OSBPL1A: variants seen among roughly 807,000 people sequenced by gnomAD.
OSBPL1A encodes oxysterol binding protein like 1A, also known as oxysterol-binding protein-related protein 1.
OSBPL1A carries 80 observed loss-of-function variants against 137.1 expected under a neutral mutation model. The ratio of observed to expected loss-of-function variants is 0.58; its 90% CI spans 0.49 to 0.70. The LOEUF (loss-of-function observed/expected upper bound fraction) is 0.70. Ranked by LOEUF, OSBPL1A falls within the 30% of genes least tolerant of loss-of-function variation. The pLI, the probability that OSBPL1A is intolerant of heterozygous loss-of-function variation, is 0.00. For missense variants in OSBPL1A, 970 were observed against 1,129.4 expected, an observed-to-expected ratio of 0.86 and a Z score of 2.02; for synonymous variants, 365 against 389.7, an observed-to-expected ratio of 0.94 and a Z score of 0.75.
intron 2 of OSBPL1A, among the ~76,000 whole-genome samples, chr18:24,368,964 G>A (rs1305224686): frequency 1.3e-5 from 2 of 152,220 alleles, no homozygotes; most frequent in East Asian, 3.9e-4. Context: ...TCTCGTGACA[G>A]TGAGTGAGTT....
intron 15 of OSBPL1A, among the ~76,000 whole-genome samples, chr18:24,258,285 T>TA (rs955182354): frequency 2.2e-4 from 33 of 151,694 alleles, no homozygotes; most frequent in African/African-American, 7.8e-4. Context: ...CATTCAGCCA[T>TA]AAAAAAAAGA....
At chr18:24,325,676 T>C (rs2090961762) in intron 7 of OSBPL1A, among the ~76,000 whole-genome samples, 1 of 152,186 alleles carries the variant, frequency 6.6e-6, no homozygotes, top group Non-Finnish European at 1.5e-5. Context: ...CACCAGAATA[T>C]GAGCTCAAGA....
At chr18:24,316,410 T>A (rs571816050) in intron 11 of OSBPL1A, among the ~76,000 whole-genome samples, 1 of 151,910 alleles carries the variant, frequency 6.6e-6, no homozygotes, top group African/African-American at 2.4e-5. Context: ...ACATACGCTA[T>A]CTCCAAGAGA....
chr18:24,224,949 G>C, intron 17 of OSBPL1A, 93 bp downstream of exon 17: 1 of 1,516,526 alleles, frequency 6.6e-7, no homozygotes, highest in South Asian at 1.2e-5. Context: ...CCCTACACGG[G>C]GAAAAATGAA....
chr18:24,301,447 T>C (rs1202178759), intron 14 of OSBPL1A: 3 of 152,360 alleles, frequency 2.0e-5, no homozygotes, highest in East Asian at 3.9e-4. Flanking sequence ...CACTGGACTT[T>C]TTCTACATCT....
chr18:24,336,930 T>A (rs371410981), intron 5 of OSBPL1A, among the ~76,000 whole-genome samples: 6 of 152,338 alleles, frequency 3.9e-5, no homozygotes, highest in African/African-American at 1.4e-4. Context: ...GGGTATTTAC[T>A]TTGTCTCAGT....
chr18:24,335,623 G>A (rs1038881320), intron 5 of OSBPL1A, among the ~76,000 whole-genome samples: 1 of 152,228 alleles, frequency 6.6e-6, no homozygotes, highest in African/African-American at 2.4e-5. Context: ...AATGTCCTGT[G>A]CAGAGGCTGC....
intron 18 of OSBPL1A, among the ~76,000 whole-genome samples, chr18:24,190,040 T>C (rs915153409): frequency 6.6e-6 from 1 of 152,204 alleles, no homozygotes; most frequent in Non-Finnish European, 1.5e-5. Context: ...CTAATGAACA[T>C]AATGATATTC....
intron 15 of OSBPL1A, among the ~76,000 whole-genome samples, chr18:24,255,790 T>C (rs1186915066): frequency 3.4e-5 from 5 of 149,062 alleles, no homozygotes; most frequent in Non-Finnish European, 5.9e-5. Flanking sequence ...GGAGTCTCGC[T>C]CTCTCGCCCA....
At chr18:24,265,916 C>T (rs2064179686) in intron 15 of OSBPL1A, among the ~76,000 whole-genome samples, 1 of 152,198 alleles carries the variant, frequency 6.6e-6, no homozygotes, top group South Asian at 2.1e-4. Flanking sequence ...CTCCAACACA[C>T]CATGCCACAA....
At chr18:24,326,337 C>A (rs1382577165) in intron 7 of OSBPL1A, among the ~76,000 whole-genome samples, 2 of 152,308 alleles carry the variant, frequency 1.3e-5, no homozygotes, top group East Asian at 3.9e-4. Flanking sequence ...AGTCCTCATC[C>A]ATTCACCCCT....
At chr18:24,392,114 C>T (rs1907400251) in intron 1 of OSBPL1A, among the ~76,000 whole-genome samples, 2 of 152,138 alleles carry the variant, frequency 1.3e-5, no homozygotes, top group African/African-American at 2.4e-5. Flanking sequence ...CCTCAGCCTC[C>T]CAAAGTGCTG....
rs1425129587 is a variant in OSBPL1A, at chr18:24,272,235, A to C, written c.1281+8607T>G. On this transcript the variant is annotated intron_variant, in intron 15 of 27. Transcript: ENST00000319481. ...TCTCCTGGAGACACCGGCCCTGGCAACTTTTTTTTTTTCTTTTTTCTTTTT... is the reference window on the plus strand; with the variant it reads ...TCTCCTGGAGACACCGGCCCTGGCACCTTTTTTTTTTTCTTTTTTCTTTTT... 15 of 975,782 alleles carry C rather than the reference A, an allele frequency of 1.5e-5. No homozygotes were observed. The East Asian group carries it at 1.5e-3, about 97-fold the overall frequency. The allele number at this position is 975,782 out of a possible 1,614,324, so 60.4% of individuals were successfully genotyped here.
intron 5 of OSBPL1A, among the ~76,000 whole-genome samples, chr18:24,335,950 ACT>A (rs1190599486): frequency 6.6e-6 from 1 of 152,006 alleles, no homozygotes; most frequent in East Asian, 1.9e-4. Flanking sequence ...GACAGCCAAG[ACT>A]CTCTGTAGAC....
chr18:24,216,486 G>A (rs1230566257), intron 17 of OSBPL1A, among the ~76,000 whole-genome samples: 3 of 152,188 alleles, frequency 2.0e-5, no homozygotes, highest in Non-Finnish European at 2.9e-5. Context: ...CAGCCTTGGC[G>A]ACAGAGCGAG....
chr18:24,215,749 T>C (rs1039931278), intron 17 of OSBPL1A, among the ~76,000 whole-genome samples: 1 of 152,188 alleles, frequency 6.6e-6, no homozygotes, highest in South Asian at 2.1e-4. Flanking sequence ...ACCCAATCTA[T>C]GATTTATTAG....
chr18:24,375,763 C>G (rs577376851), intron 2 of OSBPL1A, among the ~76,000 whole-genome samples: 1 of 152,314 alleles, frequency 6.6e-6, no homozygotes, highest in Admixed American at 6.5e-5. Context: ...GTCTCTTCAT[C>G]ATTATCTCCA....
At chr18:24,389,679 G>A (rs192273899) in intron 1 of OSBPL1A, among the ~76,000 whole-genome samples, 9 of 152,218 alleles carry the variant, frequency 5.9e-5, no homozygotes, top group African/African-American at 1.7e-4. Flanking sequence ...GGTGGCTCAC[G>A]CCTGTACTCC....
chr18:24,308,739 A>C (rs2090556748), intron 13 of OSBPL1A, among the ~76,000 whole-genome samples: 1 of 151,894 alleles, frequency 6.6e-6, no homozygotes, highest in Non-Finnish European at 1.5e-5. Context: ...TGTGGCTAAT[A>C]TGTAGTTAAA....
Sources: allele counts gnomAD v4.1 joint callset (sites outside exome capture counted in the v4.1 genomes callset), GRCh38; gene constraint gnomAD v4.1.1; transcripts MANE v1.5; gene names NCBI Gene and HGNC (gene_info 2026-07-23, HGNC 2026-07-21).